COL21A1: variants seen among roughly 807,000 people sequenced by gnomAD.
COL21A1 encodes collagen type XXI alpha 1 chain, also known as collagen alpha-1(XXI) chain.
Under a neutral mutation model 137.9 loss-of-function variants are expected in COL21A1, and 149 were observed. That is an observed-to-expected ratio of 1.08 (90% CI 0.95 to 1.24). The LOEUF (loss-of-function observed/expected upper bound fraction) is 1.24. Ranked by LOEUF, COL21A1 falls within the 50% of genes most tolerant of loss-of-function variation. COL21A1 has a pLI of 0.00. For missense variants in COL21A1, 1,167 were observed against 1,158.4 expected (o/e 1.01, Z -0.11); for synonymous variants, 456 against 391.5 (o/e 1.16, Z -1.95).
intron 1 of COL21A1, among the ~76,000 whole-genome samples, chr6:56,304,053 G>A (rs1417946252): frequency 6.6e-6 from 1 of 152,170 alleles, no homozygotes; most frequent in Non-Finnish European, 1.5e-5. Flanking sequence ...TGCATATGTT[G>A]AACCAGCCTT....
intron 16 of COL21A1, among the ~76,000 whole-genome samples, chr6:56,114,253 G>A (rs1771700624): frequency 6.6e-6 from 1 of 152,186 alleles, no homozygotes; most frequent in Admixed American, 6.5e-5. Flanking sequence ...AGCAGACACT[G>A]GGTGAGACCC....
At chr6:56,295,274 T>G (rs1402694193) in intron 1 of COL21A1, among the ~76,000 whole-genome samples, 9 of 152,206 alleles carry the variant, frequency 5.9e-5, no homozygotes, top group African/African-American at 2.2e-4. Flanking sequence ...TGAGTCTATT[T>G]CTGGGCTCCC....
At chr6:56,384,524 T>C (rs956164038) in intron 1 of COL21A1, among the ~76,000 whole-genome samples, 2 of 152,192 alleles carry the variant, frequency 1.3e-5, no homozygotes, top group Non-Finnish European at 2.9e-5. Flanking sequence ...TGGTCCATAA[T>C]AAAAACTTTT....
chr6:56,362,745 C>T (rs1766003528), intron 1 of COL21A1, among the ~76,000 whole-genome samples: 1 of 152,124 alleles, frequency 6.6e-6, no homozygotes. Flanking sequence ...TCCCCACTCC[C>T]ACCACCTCTA....
intron 17 of COL21A1, among the ~76,000 whole-genome samples, chr6:56,097,615 C>A (rs1769461532): frequency 6.6e-6 from 1 of 150,430 alleles, no homozygotes; most frequent in Non-Finnish European, 1.5e-5. Context: ...CAACTCTAGA[C>A]AGGAATAAGT....
rs11459201 is a variant in COL21A1, at chr6:56,096,150, A to ATT, written c.1812+5320_1812+5321dup. On this transcript the variant is annotated intron_variant, in intron 17 of 29. Transcript: ENST00000244728. ...GCATGGGCCACCATGTCTGGCCTGC[A>ATT]TTTTTTTTTTTTAAACAATGCATAC... Among the ~76,000 whole-genome samples the ATT allele has an allele frequency of 9.0e-3, 1,343 of 148,460 alleles. 19 individuals are homozygous for ATT. The highest frequency in any genetic ancestry group is 0.03 in the African/African-American group (1,220 of 40,658).
At chr6:56,229,511 C>T (rs966381822) in intron 1 of COL21A1, among the ~76,000 whole-genome samples, 1 of 151,914 alleles carries the variant, frequency 6.6e-6, no homozygotes, top group African/African-American at 2.4e-5. Context: ...GTACACTAAC[C>T]ACAAGAGGTT....
intron 1 of COL21A1, among the ~76,000 whole-genome samples, chr6:56,204,072 GT>G (rs1272870981): frequency 2.0e-5 from 3 of 152,152 alleles, no homozygotes; most frequent in African/African-American, 4.8e-5. Context: ...TAGCTGTGGA[GT>G]TTTTTTGTTT....
At chr6:56,151,139 T>C (rs1267668315) in intron 10 of COL21A1, among the ~76,000 whole-genome samples, 1 of 152,018 alleles carries the variant, frequency 6.6e-6, no homozygotes, top group Non-Finnish European at 1.5e-5. Flanking sequence ...GGCAGGAGAA[T>C]GGCATGAACC....
intron 1 of COL21A1, among the ~76,000 whole-genome samples, chr6:56,351,208 T>G (rs1765703297): frequency 6.6e-6 from 1 of 152,242 alleles, no homozygotes; most frequent in Admixed American, 6.5e-5. Flanking sequence ...AAACTCTCTT[T>G]GGGTTCTTGG....
intron 1 of COL21A1, among the ~76,000 whole-genome samples, chr6:56,387,319 A>G (rs577961070): frequency 1.3e-4 from 20 of 152,304 alleles, no homozygotes; most frequent in African/African-American, 4.1e-4. Flanking sequence ...ATGGATTCCA[A>G]TGAGAATTAT....
intron 1 of COL21A1, among the ~76,000 whole-genome samples, chr6:56,218,320 C>T (rs1188882334): frequency 6.7e-6 from 1 of 149,910 alleles, no homozygotes; most frequent in African/African-American, 2.5e-5. Flanking sequence ...GTAAGAAAAA[C>T]AACAGAATTC....
intron 1 of COL21A1, among the ~76,000 whole-genome samples, chr6:56,205,622 G>A (rs542108148): frequency 2.3e-3 from 343 of 152,212 alleles, no homozygotes; most frequent in Admixed American, 3.8e-3. Context: ...TCAAATTCAG[G>A]AAATACAGAG....
At chr6:56,068,963 C>T (rs1439155481) in intron 22 of COL21A1, 83 bp downstream of exon 22, 6 of 819,230 alleles carry the variant, frequency 7.3e-6, no homozygotes, top group African/African-American at 1.8e-5. Context: ...AATAACAAGT[C>T]CTACTTTAAG....
At chr6:56,292,391 A>ACCCCCCC (rs35462264) in intron 1 of COL21A1, among the ~76,000 whole-genome samples, 17 of 125,230 alleles carry the variant, frequency 1.4e-4, no homozygotes, top group Non-Finnish European at 1.7e-4. Context: ...CAAAACAGGG[A>ACCCCCCC]CCCCCCCCCT....
intron 29 of COL21A1, among the ~76,000 whole-genome samples, chr6:56,058,885 T>C (rs953573091): frequency 6.6e-6 from 1 of 152,140 alleles, no homozygotes; most frequent in Non-Finnish European, 1.5e-5. Context: ...AACAGTGTTA[T>C]ACACCAGATA....
At chr6:56,317,665 T>C (rs1328028792) in intron 1 of COL21A1, among the ~76,000 whole-genome samples, 1 of 152,106 alleles carries the variant, frequency 6.6e-6, no homozygotes, top group Non-Finnish European at 1.5e-5. Flanking sequence ...AATCCCTTCA[T>C]AATCTCAATT....
At chr6:56,356,222 C>T (rs1765824078) in intron 1 of COL21A1, among the ~76,000 whole-genome samples, 1 of 152,170 alleles carries the variant, frequency 6.6e-6, no homozygotes, top group Non-Finnish European at 1.5e-5. Context: ...ACCCAAAAGG[C>T]TTTCCAGAAG....
At chr6:56,121,136 G>A (rs1772464274) in intron 16 of COL21A1, among the ~76,000 whole-genome samples, 1 of 152,170 alleles carries the variant, frequency 6.6e-6, no homozygotes, top group South Asian at 2.1e-4. Flanking sequence ...ATGTTCTCAT[G>A]TATTTGTAGG....
Sources: gnomAD v4.1 joint callset for allele counts (sites outside exome capture counted in the v4.1 genomes callset) on GRCh38, gnomAD v4.1.1 for gene constraint, MANE v1.5 for transcripts, NCBI Gene and HGNC (gene_info 2026-07-23, HGNC 2026-07-21) for gene names.